Variants in TMEM52B observed in about 807,000 individuals in gnomAD.
The protein encoded by TMEM52B is chromosome 12 open reading frame 59.
In TMEM52B, 11 loss-of-function variants were observed where a neutral mutation model predicts 16.1. That is an observed-to-expected ratio of 0.68 (90% CI 0.43 to 1.13). The LOEUF (loss-of-function observed/expected upper bound fraction) is 1.13. TMEM52B is among the 50% of genes most tolerant of loss of function. The probability of loss-of-function intolerance (pLI) is 0.00; values close to 1 mark genes in which losing one functional copy is unlikely to be tolerated. For synonymous variants in TMEM52B, 101 were observed against 93.8 expected (o/e 1.08, Z -0.45); for missense variants, 243 against 230.4 (o/e 1.05, Z -0.35).
intron 2 of TMEM52B, 74 bp downstream of exon 2, chr12:10,182,667 G>T: frequency 7.1e-7 from 1 of 1,415,816 alleles, no homozygotes; most frequent in Non-Finnish European, 9.4e-7. Context: ...GAGTCAAGAT[G>T]TCATTAGACA....
chr12:10,179,877 G>A (rs995488733), intron 1 of TMEM52B, among the ~76,000 whole-genome samples: 7 of 152,166 alleles, frequency 4.6e-5, no homozygotes, highest in African/African-American at 1.4e-4. Context: ...CAGGATTGCC[G>A]TGGCACTTTA....
rs1948943819 is a variant in TMEM52B at position 10,190,307 on chromosome 12, T to A, written c.*167T>A. The A allele has an allele frequency of 2.3e-6, 2 of 884,780 alleles. No individual in the cohort carries two copies. Among genetic ancestry groups the A allele is most frequent in the East Asian group, 2.7e-5 (1 of 36,942 alleles). 54.8% of individuals were successfully genotyped at this position (884,780 alleles called of 1,614,324 possible). A position where few individuals can be genotyped will look rare whatever the true frequency, so the allele number is the denominator to read the frequency against. On this transcript the variant is annotated 3_prime_UTR_variant, in exon 5 of 5. Transcript: ENST00000543484. ...GTTCACAGGCCTTTATATCTTCCGA[T>A]ACAGAATGCTCTAATTGGGAACTCT...
chr12:10,176,811 G>T (rs1006244166), upstream of TMEM52B, among the ~76,000 whole-genome samples: 1 of 152,006 alleles, frequency 6.6e-6, no homozygotes, highest in Non-Finnish European at 1.5e-5. Context: ...AAATGAAAAT[G>T]AGCCAATAGA....
chr12:10,172,227 C>T (rs1327085551), intron 1 of TMEM52B: 8 of 601,056 alleles, frequency 1.3e-5, no homozygotes, highest in Admixed American at 1.2e-4. Context: ...AGAGGCTTTG[C>T]TTCATATTGG....
rs904245539 is a variant in TMEM52B, at chr12:10,189,952, C to T, written c.364C>T (p.His122Tyr). 3 of 1,614,152 alleles carry T rather than the reference C, an allele frequency of 1.9e-6. No individual in the cohort carries two copies. Among genetic ancestry groups the T allele is most frequent in the Non-Finnish European group, 2.5e-6 (3 of 1,180,036 alleles). The change falls in exon 5 of 5, where the codon CAC becomes TAC. Residue 122 changes from histidine (H) to tyrosine (Y), a missense_variant. Transcript: ENST00000543484. ...ARRILAVAHS[H>Y]SSLGQLPSSL... ...GAGGATCCTGGCTGTGGCTCACTCC[C>T]ACAGCTCCCTGGGCCAGCTGCCCTC...
rs1245858072 is a variant in TMEM52B at position 10,190,904 on chromosome 12, T to G, written c.*764T>G. 3 of 152,340 alleles carry G rather than the reference T, an allele frequency of 2.0e-5. No homozygotes were observed. The highest frequency in any genetic ancestry group is 4.4e-5 in the Non-Finnish European group (3 of 68,130). 9.4% of individuals were successfully genotyped at this position (152,340 alleles called of 1,614,324 possible). On this transcript the variant is annotated 3_prime_UTR_variant, in exon 5 of 5. Transcript: ENST00000543484. ...AGTGTTGCTTTACTTCTTTCCTGTT[T>G]TGCCTGGACCACTTAAAGCCACAAC...
intron 4 of TMEM52B, among the ~76,000 whole-genome samples, chr12:10,187,948 A>C (rs1479167509): frequency 6.6e-6 from 1 of 151,900 alleles, no homozygotes; most frequent in Admixed American, 6.6e-5. Context: ...AAAATACAAA[A>C]ACTAGCCAGG....
chr12:10,186,831 A>G (rs1193704429), intron 4 of TMEM52B, among the ~76,000 whole-genome samples: 8 of 152,216 alleles, frequency 5.3e-5, no homozygotes, highest in Admixed American at 5.2e-4. Flanking sequence ...GAAATATTGA[A>G]TAGGAAGAAT....
At chr12:10,182,142 T>C (rs1308706022) in intron 1 of TMEM52B, 1 of 984,812 alleles carries the variant, frequency 1.0e-6, no homozygotes, top group East Asian at 1.1e-4. Flanking sequence ...CCTTCTTCCT[T>C]TGTATAGTCA....
At chr12:10,172,172 C>CAG (rs1948728045) in intron 1 of TMEM52B, 4 of 792,906 alleles carry the variant, frequency 5.0e-6, no homozygotes, top group Non-Finnish European at 6.5e-6. Context: ...TAAATAGCTA[C>CAG]TGTTATCTAA....
chr12:10,180,563 G>A lies in TMEM52B; in HGVS notation c.54+935G>A, dbSNP rs537828889. 2.6e-5 allele frequency among the ~76,000 whole-genome samples: 4 copies of A among 152,220 alleles called. No homozygotes were observed. In the East Asian group the frequency reaches 5.8e-4, roughly 22 times the overall value. The stretch of plus-strand genomic sequence containing the variant: ...TTCTTTCCAATGAAAACACAAACAC[G>A]GGTTTCTCAAATGTTACCTGCAAAG... On this transcript the variant is annotated intron_variant, in intron 1 of 4. Coordinates refer to ENST00000543484, the MANE Select transcript of TMEM52B (RefSeq NM_001384896.1).
intron 3 of TMEM52B, among the ~76,000 whole-genome samples, chr12:10,185,813 C>T (rs1948872677): frequency 6.6e-6 from 1 of 152,076 alleles, no homozygotes; most frequent in Non-Finnish European, 1.5e-5. Context: ...GAGGCCGAGA[C>T]AGTGGATTAT....
intron 2 of TMEM52B, among the ~76,000 whole-genome samples, chr12:10,184,981 G>A (rs1260536983): frequency 1.3e-5 from 2 of 152,050 alleles, no homozygotes; most frequent in Non-Finnish European, 2.9e-5. Context: ...CAAAGTGCTG[G>A]GATTACAGGC....
chr12:10,176,842 G>C (rs556886235), upstream of TMEM52B, among the ~76,000 whole-genome samples: 2 of 152,160 alleles, frequency 1.3e-5, no homozygotes, highest in Non-Finnish European at 2.9e-5. Flanking sequence ...CCTGCTCCAA[G>C]ATCACACAGC....
At chr12:10,175,013 A>AG (rs1240804053), upstream of TMEM52B, among the ~76,000 whole-genome samples, 2 of 152,294 alleles carry the variant, frequency 1.3e-5, no homozygotes, top group East Asian at 3.9e-4. Flanking sequence ...TCCTGTTTTT[A>AG]AAGATCAGTG....
intron 2 of TMEM52B, among the ~76,000 whole-genome samples, chr12:10,184,761 A>G (rs141399308): frequency 1.3e-3 from 203 of 152,308 alleles, no homozygotes; most frequent in African/African-American, 4.5e-3. Context: ...TTGACCTCAA[A>G]TATACACAAG....
chr12:10,172,940 G>C (rs1948735766), intron 1 of TMEM52B, among the ~76,000 whole-genome samples: 1 of 152,102 alleles, frequency 6.6e-6, no homozygotes, highest in East Asian at 1.9e-4. Context: ...TTTACACTAG[G>C]TTTGTGAAAA....
intron 1 of TMEM52B, among the ~76,000 whole-genome samples, chr12:10,171,841 A>G (rs1948721557): frequency 6.6e-6 from 1 of 152,238 alleles, no homozygotes; most frequent in Non-Finnish European, 1.5e-5. Flanking sequence ...TGTCATCATC[A>G]TCATCATTAT....
chr12:10,190,413 T>A lies in TMEM52B; in HGVS notation c.*273T>A. ...ACTAAACCAGGAAAGCATCAAGGTG[T>A]CTTGAATTCCTTTAACTATTGAGTG... On this transcript the variant is annotated 3_prime_UTR_variant, in exon 5 of 5. Transcript: ENST00000543484. 1 of 397,498 alleles carries A rather than the reference T, an allele frequency of 2.5e-6. No individual in the cohort carries two copies. The highest frequency in any genetic ancestry group is 4.7e-6 in the Non-Finnish European group (1 of 212,540). The allele number at this position is 397,498 out of a possible 1,614,324, so 24.6% of individuals were successfully genotyped here. A position where few individuals can be genotyped will look rare whatever the true frequency, so the allele number is the denominator to read the frequency against.
Sources: gnomAD v4.1 joint callset for allele counts (sites outside exome capture counted in the v4.1 genomes callset) on GRCh38, gnomAD v4.1.1 for gene constraint, MANE v1.5 for transcripts, NCBI Gene and HGNC (gene_info 2026-07-23, HGNC 2026-07-21) for gene names.